The following AGBL4 variants were observed in gnomAD, a reference collection of about 807,000 sequenced individuals.
AGBL4 encodes the protein cytosolic carboxypeptidase 6.
Under a neutral mutation model 66.4 loss-of-function variants are expected in AGBL4, and 58 were observed. The ratio of observed to expected loss-of-function variants is 0.87; its 90% confidence interval spans 0.71 to 1.09. AGBL4 has a LOEUF of 1.09. Ranked by LOEUF, AGBL4 falls within the 50% of genes least tolerant of loss-of-function variation. AGBL4 has a pLI of 0.00. For missense variants in AGBL4, 579 were observed against 631.0 expected, an observed-to-expected ratio of 0.92 and a Z score of 0.88; for synonymous variants, 234 against 222.9, an observed-to-expected ratio of 1.05 and a Z score of -0.44.
chr1:49,463,033 T>C lies in AGBL4; in HGVS notation c.283-217169A>G, dbSNP rs1646549351. On this transcript the variant is annotated intron_variant, in intron 3 of 13. Coordinates refer to ENST00000371839, the MANE Select transcript of AGBL4 (RefSeq NM_032785.4). ...CATTGAGTTAATGGCAGAGCTGCTA[T>C]TGAATAAGTTAAAAAGAAAGGAAAC... 2.0e-5 allele frequency among the ~76,000 whole-genome samples: 3 copies of C among 151,802 alleles called. No individual in the cohort carries two copies. The South Asian group carries it at 6.2e-4, about 31-fold the overall frequency.
At chr1:49,868,650 C>G (rs1446105553) in intron 1 of AGBL4, among the ~76,000 whole-genome samples, 1 of 152,098 alleles carries the variant, frequency 6.6e-6, no homozygotes, top group African/African-American at 2.4e-5. Flanking sequence ...TATAAGAACC[C>G]TAGAAGAAAA....
intron 11 of AGBL4, among the ~76,000 whole-genome samples, chr1:48,543,181 C>A (rs1285578416): frequency 6.6e-6 from 1 of 152,118 alleles, no homozygotes; most frequent in African/African-American, 2.4e-5. Context: ...CTTCCACGTA[C>A]TGAGAAACAA....
At chr1:49,563,633 C>G (rs887628517) in intron 3 of AGBL4, among the ~76,000 whole-genome samples, 2 of 152,112 alleles carry the variant, frequency 1.3e-5, no homozygotes, top group African/African-American at 2.4e-5. Flanking sequence ...ATATGTTGAA[C>G]CAGCCTTGCA....
chr1:48,650,153 G>A (rs983656244), intron 8 of AGBL4, among the ~76,000 whole-genome samples: 3 of 152,234 alleles, frequency 2.0e-5, no homozygotes, highest in African/African-American at 4.8e-5. Flanking sequence ...GGGTCTGGCA[G>A]GCTTGGTGCT....
intron 11 of AGBL4, among the ~76,000 whole-genome samples, chr1:48,563,449 T>C (rs775144330): frequency 2.0e-4 from 31 of 151,484 alleles, no homozygotes; most frequent in South Asian, 6.3e-4. Context: ...AGAGGCAGAA[T>C]GAAAATGGAG....
chr1:48,571,067 G>C (rs1644555645), intron 11 of AGBL4, among the ~76,000 whole-genome samples: 1 of 152,150 alleles, frequency 6.6e-6, no homozygotes, highest in South Asian at 2.1e-4. Context: ...CCCTTACCAG[G>C]AGCCAGTCAC....
At chr1:48,851,334 C>T (rs1457089785) in intron 6 of AGBL4, among the ~76,000 whole-genome samples, 3 of 152,158 alleles carry the variant, frequency 2.0e-5, no homozygotes, top group African/African-American at 7.2e-5. Flanking sequence ...GAGTAAAAAA[C>T]ATAGTCAGGG....
At chr1:49,448,982 T>C (rs988054450) in intron 3 of AGBL4, among the ~76,000 whole-genome samples, 2 of 151,994 alleles carry the variant, frequency 1.3e-5, no homozygotes, top group African/African-American at 4.8e-5. Flanking sequence ...CTATTTACAA[T>C]GAGTTATTAA....
intron 6 of AGBL4, among the ~76,000 whole-genome samples, chr1:48,772,528 G>A (rs1644889488): frequency 6.6e-6 from 1 of 152,178 alleles, no homozygotes; most frequent in African/African-American, 2.4e-5. Flanking sequence ...AGGTCTCAGG[G>A]AAAGGGGAAG....
chr1:49,421,400 A>G (rs1645544012), intron 3 of AGBL4, among the ~76,000 whole-genome samples: 1 of 152,162 alleles, frequency 6.6e-6, no homozygotes, highest in Admixed American at 6.5e-5. Flanking sequence ...AGCTGTGGGT[A>G]CTATGTCATA....
chr1:49,751,294 G>A (rs550566471), intron 2 of AGBL4, among the ~76,000 whole-genome samples: 2 of 152,038 alleles, frequency 1.3e-5, no homozygotes, highest in Non-Finnish European at 2.9e-5. Flanking sequence ...TAGTATGAAG[G>A]GGTGTTGAAT....
chr1:49,496,588 T>G (rs566313329), intron 3 of AGBL4, among the ~76,000 whole-genome samples: 1 of 150,894 alleles, frequency 6.6e-6, no homozygotes, highest in South Asian at 2.1e-4. Flanking sequence ...GAGTTGAATT[T>G]TTTTTAGATT....
At chr1:49,091,190 A>G (rs922331973) in intron 4 of AGBL4, among the ~76,000 whole-genome samples, 3 of 152,152 alleles carry the variant, frequency 2.0e-5, no homozygotes, top group Non-Finnish European at 4.4e-5. Context: ...AGATTTCATG[A>G]CAAAAATGCC....
intron 3 of AGBL4, among the ~76,000 whole-genome samples, chr1:49,566,474 T>C (rs552335339): frequency 2.0e-4 from 31 of 152,220 alleles, no homozygotes; most frequent in Non-Finnish European, 4.0e-4. Flanking sequence ...AGATGGGTTT[T>C]TGGTGTGGAT....
chr1:49,035,408 T>C (rs1410095676), intron 5 of AGBL4, among the ~76,000 whole-genome samples: 2 of 152,134 alleles, frequency 1.3e-5, no homozygotes, highest in Non-Finnish European at 2.9e-5. Context: ...GAAAAGAAAG[T>C]ACACTTGGAG....
At chr1:49,099,158 A>C (rs909405943) in intron 4 of AGBL4, among the ~76,000 whole-genome samples, 2 of 152,176 alleles carry the variant, frequency 1.3e-5, no homozygotes, top group African/African-American at 4.8e-5. Context: ...AGCTTGAAGT[A>C]AGAATGAAAT....
At chr1:50,001,651 G>A (rs1660766657) in intron 1 of AGBL4, among the ~76,000 whole-genome samples, 1 of 152,002 alleles carries the variant, frequency 6.6e-6, no homozygotes, top group Non-Finnish European at 1.5e-5. Context: ...AGGGAATGAC[G>A]GGGACTGTCA....
At chr1:49,455,546 C>T (rs1174009918) in intron 3 of AGBL4, among the ~76,000 whole-genome samples, 3 of 151,616 alleles carry the variant, frequency 2.0e-5, no homozygotes, top group Non-Finnish European at 4.4e-5. Flanking sequence ...ATCTCCATTG[C>T]TTCTCCTCTA....
rs1329955187 is a variant in AGBL4 at position 48,819,554 on chromosome 1, G to A, written c.634+47637C>T. On this transcript the variant is annotated intron_variant, in intron 6 of 13. Coordinates refer to ENST00000371839, the MANE Select transcript of AGBL4 (RefSeq NM_032785.4). ...TGGATTTGTGGGGGATACAGATACA[G>A]GTTGAAGGTAGAGAGGCCAATTTGG... Among the ~76,000 whole-genome samples, 4 of 152,270 alleles carry A rather than the reference G, an allele frequency of 2.6e-5. No homozygotes were observed. In the East Asian group the frequency reaches 5.8e-4, roughly 22 times the overall value.
Sources: allele counts gnomAD v4.1 joint callset (sites outside exome capture counted in the v4.1 genomes callset), GRCh38; gene constraint gnomAD v4.1.1; transcripts MANE v1.5; gene names NCBI Gene and HGNC (gene_info 2026-07-23, HGNC 2026-07-21).